Variants in ADAMTS12 observed in about 807,000 individuals in gnomAD.
The protein encoded by ADAMTS12 is A disintegrin and metalloproteinase with thrombospondin motifs 12.
Under a neutral mutation model 167.8 loss-of-function variants are expected in ADAMTS12, and 118 were observed. The ratio of observed to expected loss-of-function variants is 0.70; its 90% CI spans 0.61 to 0.82. ADAMTS12 has a LOEUF of 0.82. Ranked by LOEUF, ADAMTS12 falls within the 40% of genes least tolerant of loss-of-function variation. The probability of loss-of-function intolerance (pLI) is 0.00; values close to 1 mark genes in which losing one functional copy is unlikely to be tolerated. For missense variants in ADAMTS12, 1,916 were observed against 1,998.8 expected, an observed-to-expected ratio of 0.96 and a Z score of 0.79; for synonymous variants, 704 against 716.9, an observed-to-expected ratio of 0.98 and a Z score of 0.29.
intron 2 of ADAMTS12, among the ~76,000 whole-genome samples, chr5:33,857,912 T>G (rs1324405154): frequency 1.3e-5 from 2 of 152,212 alleles, no homozygotes; most frequent in Non-Finnish European, 2.9e-5. Flanking sequence ...ACAATTATGG[T>G]TGGAGACTTC....
chr5:33,549,598 C>T (rs573057207), intron 20 of ADAMTS12, among the ~76,000 whole-genome samples: 1 of 152,236 alleles, frequency 6.6e-6, no homozygotes, highest in Non-Finnish European at 1.5e-5. Flanking sequence ...TTCTGCCACT[C>T]GCTAGTCTTG....
chr5:33,624,783 C>T (rs1169408583), intron 13 of ADAMTS12, among the ~76,000 whole-genome samples: 2 of 152,180 alleles, frequency 1.3e-5, no homozygotes, highest in African/African-American at 4.8e-5. Flanking sequence ...GATTGAAAGT[C>T]ATGAGCCGTA....
At chr5:33,673,931 C>T (rs1403913936) in intron 5 of ADAMTS12, among the ~76,000 whole-genome samples, 3 of 152,104 alleles carry the variant, frequency 2.0e-5, no homozygotes, top group Non-Finnish European at 4.4e-5. Flanking sequence ...GGGAGCTTTC[C>T]CTGCCCCCTA....
chr5:33,741,667 C>T (rs1030380177), intron 3 of ADAMTS12, among the ~76,000 whole-genome samples: 52 of 151,994 alleles, frequency 3.4e-4, no homozygotes, highest in African/African-American at 1.1e-3. Flanking sequence ...CTCACTCTGT[C>T]GCCAGGCTGG....
chr5:33,811,565 C>A (rs10044427), intron 2 of ADAMTS12, among the ~76,000 whole-genome samples: 134,681 of 152,206 alleles, frequency 0.88, 59,714 homozygotes, highest in Non-Finnish European at 0.9. Context: ...TTCAAGGAAC[C>A]AGAGGACCAG....
rs1359799438 is a variant in ADAMTS12 at position 33,694,361 on chromosome 5, T to C, written c.635-10306A>G. ...TAGTAAGAGCAATCACATAGTAACC[T>C]ATATAATTACTGAGAAATATAAACC... On this transcript the variant is annotated intron_variant, in intron 3 of 23. Transcript: ENST00000504830. Among the ~76,000 whole-genome samples the C allele has an allele frequency of 4.6e-5, 7 of 152,346 alleles. No individual in the cohort carries two copies. The East Asian group carries it at 1.3e-3, about 29-fold the overall frequency.
At chr5:33,527,446 A>G in intron 23 of ADAMTS12, 80 bp from the exon 24 acceptor site, 3 of 1,356,364 alleles carry the variant, frequency 2.2e-6, no homozygotes, top group Non-Finnish European at 2.0e-6. Context: ...CTATTAATGT[A>G]AGACTTTATA....
At chr5:33,587,867 T>C (rs1747434952) in intron 18 of ADAMTS12, among the ~76,000 whole-genome samples, 2 of 152,192 alleles carry the variant, frequency 1.3e-5, no homozygotes, top group Non-Finnish European at 2.9e-5. Context: ...TCTTAGGTTG[T>C]TCACTGAACT....
chr5:33,564,632 A>C (rs1745920644), intron 19 of ADAMTS12, among the ~76,000 whole-genome samples: 1 of 152,224 alleles, frequency 6.6e-6, no homozygotes, highest in African/African-American at 2.4e-5. Context: ...AGGTGTTCTA[A>C]GCAGGAGTGG....
intron 3 of ADAMTS12, among the ~76,000 whole-genome samples, chr5:33,729,543 G>A (rs549511217): frequency 6.6e-6 from 1 of 152,280 alleles, no homozygotes; most frequent in East Asian, 1.9e-4. Context: ...GTCTGCTCAG[G>A]GAGTTTTTGT....
Position 33,568,780 on chromosome 5 carries a change from G to A in ADAMTS12, c.3972+7274C>T, listed in dbSNP as rs190251430. Among the ~76,000 whole-genome samples the A allele has an allele frequency of 5.3e-3, 807 of 152,372 alleles. 7 individuals carry two copies. The highest frequency in any genetic ancestry group is 8.5e-3 in the Non-Finnish European group (575 of 68,032). On this transcript the variant is annotated intron_variant, in intron 19 of 23. Transcript: ENST00000504830. ...TGCAGCGCACCGTGCACCAGCCAAA[G>A]CAGGGCGAGGTATTGCCTCACTCGG...
At position 33,525,632 on chromosome 5, in the gene ADAMTS12, T is replaced by C. The variant is rs1743779478; in HGVS notation, c.*1556A>G. On this transcript the variant is annotated 3_prime_UTR_variant, in exon 24 of 24. Coordinates refer to ENST00000504830, the MANE Select transcript of ADAMTS12 (RefSeq NM_030955.4). ...CTAGATATTAGCACCATTTTTTTAA[T>C]AGCACCATTCTGCTGAACGGATAGG... The C allele has an allele frequency of 6.6e-6, 1 of 152,196 alleles. No homozygotes were observed. Among genetic ancestry groups the C allele is most frequent in the Non-Finnish European group, 1.5e-5 (1 of 68,032 alleles). The allele number at this position is 152,196 out of a possible 1,614,324, so 9.4% of individuals were successfully genotyped here.
chr5:33,742,111 C>A (rs1234900402), intron 3 of ADAMTS12, among the ~76,000 whole-genome samples: 2 of 152,022 alleles, frequency 1.3e-5, no homozygotes. Flanking sequence ...CCCTTAGTAT[C>A]TGACAAATTA....
At chr5:33,782,011 C>T (rs1579931100) in intron 2 of ADAMTS12, among the ~76,000 whole-genome samples, 1 of 152,000 alleles carries the variant, frequency 6.6e-6, no homozygotes, top group African/African-American at 2.4e-5. Context: ...ATTATGGCTT[C>T]CTGTATCTAT....
chr5:33,686,415 G>A (rs1486862436), intron 3 of ADAMTS12, among the ~76,000 whole-genome samples: 1 of 152,092 alleles, frequency 6.6e-6, no homozygotes, highest in Non-Finnish European at 1.5e-5. Flanking sequence ...TGAGAAGCGT[G>A]TAGAAAAAAG....
intron 1 of ADAMTS12, among the ~76,000 whole-genome samples, chr5:33,885,827 G>C (rs1032970374): frequency 6.6e-6 from 1 of 152,200 alleles, no homozygotes; most frequent in Non-Finnish European, 1.5e-5. Flanking sequence ...AAATGAGTTT[G>C]GAGTGACAGA....
chr5:33,683,181 T>G, intron 4 of ADAMTS12, 80 bp from the exon 5 acceptor site: 1 of 1,127,546 alleles, frequency 8.9e-7, no homozygotes. Flanking sequence ...AGCATTGTAA[T>G]GCACATAAAA....
intron 18 of ADAMTS12, among the ~76,000 whole-genome samples, chr5:33,582,782 C>G (rs1747133510): frequency 6.6e-6 from 1 of 152,168 alleles, no homozygotes; most frequent in Admixed American, 6.5e-5. Context: ...CATTTCTTGT[C>G]TCAAGTGAAA....
At chr5:33,627,465 T>C (rs1164489090) in intron 13 of ADAMTS12, among the ~76,000 whole-genome samples, 1 of 148,368 alleles carries the variant, frequency 6.7e-6, no homozygotes, top group Non-Finnish European at 1.5e-5. Flanking sequence ...GCAGCAGTGG[T>C]GGTGTTGGTG....
Sources: allele counts gnomAD v4.1 joint callset (sites outside exome capture counted in the v4.1 genomes callset), GRCh38; gene constraint gnomAD v4.1.1; transcripts MANE v1.5; gene names NCBI Gene and HGNC (gene_info 2026-07-23, HGNC 2026-07-21).